Variants in RIMS2 observed in about 807,000 individuals in gnomAD.
The protein encoded by RIMS2 is regulating synaptic membrane exocytosis protein 2.
A neutral mutation model predicts 174.4 loss-of-function variants in RIMS2; 59 were observed. The observed-to-expected ratio is 0.34, with a 90% CI of 0.27 to 0.42. The LOEUF (loss-of-function observed/expected upper bound fraction) is 0.42. Ranked by LOEUF, RIMS2 falls within the 10% of genes least tolerant of loss-of-function variation. The probability of loss-of-function intolerance (pLI) is 1.00; values close to 1 mark genes in which losing one functional copy is unlikely to be tolerated. For synonymous variants in RIMS2, 606 were observed against 572.5 expected, an observed-to-expected ratio of 1.06 and a Z score of -0.84; for missense variants, 1,620 against 1,666.3, an observed-to-expected ratio of 0.97 and a Z score of 0.48.
chr8:103,585,194 A>G (rs374919932), intron 1 of RIMS2, among the ~76,000 whole-genome samples: 1 of 152,222 alleles, frequency 6.6e-6, no homozygotes, highest in Non-Finnish European at 1.5e-5. Flanking sequence ...ATGAGATATC[A>G]TCTCATGCCA....
intron 3 of RIMS2, among the ~76,000 whole-genome samples, chr8:103,802,306 A>G (rs1224737456): frequency 2.0e-5 from 3 of 152,116 alleles, no homozygotes; most frequent in Non-Finnish European, 4.4e-5. Context: ...ATCCTTTTTC[A>G]CAGATATTTT....
rs2088926437 is a variant in RIMS2 at position 103,959,330 on chromosome 8, T to C, written c.2702-1735T>C. On this transcript the variant is annotated intron_variant, in intron 14 of 23. Coordinates refer to ENST00000504942, the Ensembl canonical transcript of RIMS2. Reference sequence around the variant, plus strand: ...ATTTTTTGTATCATAAATAGGGACATGTTATTACTATTTTTATACTCTGCT... The same window carrying C: ...ATTTTTTGTATCATAAATAGGGACACGTTATTACTATTTTTATACTCTGCT... Among the ~76,000 whole-genome samples, 3 of 152,192 alleles carry C rather than the reference T, an allele frequency of 2.0e-5. No individual in the cohort carries two copies. The South Asian group carries it at 6.2e-4, about 32-fold the overall frequency.
intron 19 of RIMS2, among the ~76,000 whole-genome samples, chr8:104,178,887 T>C (rs890327250): frequency 3.3e-5 from 5 of 152,062 alleles, no homozygotes; most frequent in Admixed American, 6.6e-5. Context: ...TCAAAGTAGT[T>C]CTTGGATAAT....
Position 103,938,058 on chromosome 8 carries a change from T to A in RIMS2, c.2547+1336T>A, listed in dbSNP as rs995531276. ...GATGGGGTCTCATCATCTTGCCCAG[T>A]CTCATATTTTCTTTAAAAAGAAAAT... On this transcript the variant is annotated intron_variant, in intron 13 of 23. Coordinates refer to ENST00000504942, the Ensembl canonical transcript of RIMS2. Among the ~76,000 whole-genome samples, 3 of 152,098 alleles carry A rather than the reference T, an allele frequency of 2.0e-5. No individual in the cohort carries two copies. In the East Asian group the frequency reaches 5.8e-4, roughly 30 times the overall value.
intron 19 of RIMS2, among the ~76,000 whole-genome samples, chr8:104,056,186 T>C (rs940330904): frequency 6.6e-6 from 1 of 151,986 alleles, no homozygotes; most frequent in Non-Finnish European, 1.5e-5. Context: ...GGGCAGATCA[T>C]GAGGTCAGGA....
chr8:104,043,776 G>A (rs939171788), intron 19 of RIMS2, among the ~76,000 whole-genome samples: 1 of 151,610 alleles, frequency 6.6e-6, no homozygotes, highest in African/African-American at 2.4e-5. Context: ...CCAAGATGGA[G>A]CATGGATTAC....
At chr8:103,623,664 T>C (rs1397977886) in intron 1 of RIMS2, among the ~76,000 whole-genome samples, 6 of 150,418 alleles carry the variant, frequency 4.0e-5, no homozygotes, top group Admixed American at 6.6e-5. Flanking sequence ...TTTTTTTTTG[T>C]ATTTTTAGTA....
chr8:103,791,715 G>A (rs893588389), intron 3 of RIMS2, among the ~76,000 whole-genome samples: 2 of 152,112 alleles, frequency 1.3e-5, no homozygotes, highest in African/African-American at 4.8e-5. Flanking sequence ...AAAATAAAGG[G>A]ATGGAGGAAG....
At chr8:104,221,192 A>T (rs1026057) in intron 19 of RIMS2, among the ~76,000 whole-genome samples, 28,483 of 152,118 alleles carry the variant, frequency 0.19, 2,925 homozygotes, top group Non-Finnish European at 0.23. Flanking sequence ...CATTAGATTC[A>T]TGTTTTTCAA....
At chr8:103,909,640 C>A (rs12114518) in intron 4 of RIMS2, among the ~76,000 whole-genome samples, 27,686 of 151,950 alleles carry the variant, frequency 0.18, 3,046 homozygotes, top group South Asian at 0.32. Context: ...GAATATCATA[C>A]TGCATTTCAG....
chr8:103,552,168 A>C (rs1324106582), intron 1 of RIMS2, among the ~76,000 whole-genome samples: 1 of 152,178 alleles, frequency 6.6e-6, no homozygotes, highest in Admixed American at 6.5e-5. Context: ...AAAAAAACAA[A>C]GCTGGAGGCA....
At chr8:104,233,146 C>T (rs940284381) in intron 19 of RIMS2, among the ~76,000 whole-genome samples, 1 of 152,156 alleles carries the variant, frequency 6.6e-6, no homozygotes, top group African/African-American at 2.4e-5. Context: ...TTAACTTTTT[C>T]TGCAGATTTG....
At chr8:103,531,583 G>C (rs897604045) in intron 1 of RIMS2, among the ~76,000 whole-genome samples, 12 of 151,960 alleles carry the variant, frequency 7.9e-5, no homozygotes, top group Non-Finnish European at 5.9e-5. Flanking sequence ...TCCACTCTTT[G>C]GTTTTGTAGA....
chr8:104,009,301 T>A (rs1000945853), intron 17 of RIMS2, among the ~76,000 whole-genome samples: 4 of 151,460 alleles, frequency 2.6e-5, no homozygotes, highest in Non-Finnish European at 5.9e-5. Context: ...TTTTTTTTTT[T>A]ATTATTTTTT....
At chr8:104,248,969 C>T (rs986563558) in intron 21 of RIMS2, among the ~76,000 whole-genome samples, 156 bp downstream of exon 27, 3 of 135,972 alleles carry the variant, frequency 2.2e-5, no homozygotes, top group Non-Finnish European at 4.7e-5. Context: ...CACTCTGTTG[C>T]CCAGGCTGAA....
intron 1 of RIMS2, among the ~76,000 whole-genome samples, chr8:103,591,922 T>G (rs2094280817): frequency 6.6e-6 from 1 of 151,212 alleles, no homozygotes; most frequent in South Asian, 2.1e-4. Context: ...AATCAGCTAG[T>G]CAATTATTAC....
At position 103,563,606 on chromosome 8, in the gene RIMS2, C is replaced by G. The variant is rs149057731; in HGVS notation, c.176+62544C>G. On this transcript the variant is annotated intron_variant, in intron 1 of 23. Coordinates refer to ENST00000504942, the Ensembl canonical transcript of RIMS2. The stretch of plus-strand genomic sequence containing the variant: ...TCTTTCTTCTCCTGAGCCCTCCAAA[C>G]TGTTCCAACCTCTGCCTGTTACCCA... 6.3e-3 allele frequency among the ~76,000 whole-genome samples: 957 copies of G among 152,294 alleles called. 6 individuals are homozygous for G. Among genetic ancestry groups the G allele is most frequent in the Middle Eastern group, 0.024 (7 of 294 alleles).
At chr8:103,568,709 C>G (rs1003672530) in intron 1 of RIMS2, 3 of 791,932 alleles carry the variant, frequency 3.8e-6, no homozygotes, top group African/African-American at 1.7e-5. Flanking sequence ...GTTCTTCTAG[C>G]TTACATAAGG....
chr8:103,649,590 G>A (rs1367206134), intron 1 of RIMS2, among the ~76,000 whole-genome samples: 1 of 150,322 alleles, frequency 6.7e-6, no homozygotes, highest in Admixed American at 6.6e-5. Context: ...TGAGTCTTAG[G>A]TTCTGTCTTT....
Sources: allele counts gnomAD v4.1 joint callset (sites outside exome capture counted in the v4.1 genomes callset), GRCh38; gene constraint gnomAD v4.1.1; transcripts MANE v1.5; gene names NCBI Gene and HGNC (gene_info 2026-07-23, HGNC 2026-07-21).